B4GALNT3: variants seen among roughly 807,000 people sequenced by gnomAD.
The protein encoded by B4GALNT3 is beta-1,4-N-acetylgalactosaminyltransferase 3.
Under a neutral mutation model 120.2 loss-of-function variants are expected in B4GALNT3, and 86 were observed. The observed-to-expected ratio is 0.72, with a 90% CI of 0.60 to 0.86. The LOEUF is 0.86. B4GALNT3 is among the 40% of genes least tolerant of loss of function. The pLI, the probability that B4GALNT3 is intolerant of heterozygous loss-of-function variation, is 0.00. For missense variants in B4GALNT3, 1,167 were observed against 1,298.9 expected (o/e 0.90, Z 1.56); for synonymous variants, 518 against 510.4 (o/e 1.01, Z -0.20).
At chr12:512,606 A>ACCTTCCG (rs1946598910) in intron 1 of B4GALNT3, among the ~76,000 whole-genome samples, 1 of 90,680 alleles carries the variant, frequency 1.1e-5, no homozygotes, top group African/African-American at 4.7e-5. Flanking sequence ...TCCACCTTCC[A>ACCTTCCG]CCTTCCACCT....
chr12:539,547 A>G (rs892942141), intron 3 of B4GALNT3, among the ~76,000 whole-genome samples: 2 of 151,972 alleles, frequency 1.3e-5, no homozygotes, highest in Non-Finnish European at 2.9e-5. Flanking sequence ...AAAAAAAAAA[A>G]AAAAGAAAGA....
intron 2 of B4GALNT3, among the ~76,000 whole-genome samples, chr12:535,592 G>C (rs1432064225): frequency 6.6e-6 from 1 of 152,166 alleles, no homozygotes; most frequent in East Asian, 1.9e-4. Flanking sequence ...GTGGCATGTG[G>C]TGCCTCTCAC....
intron 1 of B4GALNT3, among the ~76,000 whole-genome samples, chr12:469,052 A>G (rs1946110438): frequency 6.6e-6 from 1 of 152,272 alleles, no homozygotes; most frequent in African/African-American, 2.4e-5. Flanking sequence ...GAGTGGCTGC[A>G]GAAGTGATTC....
chr12:552,013 T>C, intron 11 of B4GALNT3, 50 bp from the exon 12 acceptor site: 1 of 1,419,372 alleles, frequency 7.0e-7, no homozygotes, highest in Non-Finnish European at 1.0e-6. Context: ...GGCTGATTTC[T>C]TACCAAGATC....
rs147550865 is a variant in B4GALNT3 at position 484,870 on chromosome 12, T to C, written c.169+24325T>C. Among the ~76,000 whole-genome samples the C allele has an allele frequency of 4.3e-4, 66 of 152,230 alleles. 1 individual carries two copies. In the East Asian group the frequency reaches 0.011, roughly 26 times the overall value. ...TCCTCCCAGTAATGGTCCCAGACCTTTCCAGTGGTATGTATGGTGTGAATT... is the reference window on the plus strand; with the variant it reads ...TCCTCCCAGTAATGGTCCCAGACCTCTCCAGTGGTATGTATGGTGTGAATT... On this transcript the variant is annotated intron_variant, in intron 1 of 19. Transcript: ENST00000266383.
intron 3 of B4GALNT3, 150 bp downstream of exon 3, chr12:536,445 C>T: frequency 1.8e-6 from 1 of 552,716 alleles, no homozygotes; most frequent in Non-Finnish European, 3.1e-6. Flanking sequence ...ATGGATAATT[C>T]CAGAGATCAC....
At chr12:477,828 C>T (rs993021178) in intron 1 of B4GALNT3, among the ~76,000 whole-genome samples, 1 of 152,180 alleles carries the variant, frequency 6.6e-6, no homozygotes, top group African/African-American at 2.4e-5. Flanking sequence ...CAGATATTTT[C>T]ATAATCCTAG....
intron 1 of B4GALNT3, among the ~76,000 whole-genome samples, chr12:500,865 C>CTGTTTTTTTTT (rs1946433127): frequency 1.6e-5 from 1 of 61,830 alleles, no homozygotes; most frequent in Non-Finnish European, 2.7e-5. Context: ...GGCTCCACTG[C>CTGTTTTTTTTT]TTTTTTTTTT....
intron 1 of B4GALNT3, among the ~76,000 whole-genome samples, chr12:475,510 G>A (rs1450120755): frequency 1.3e-5 from 2 of 152,112 alleles, no homozygotes; most frequent in African/African-American, 4.8e-5. Flanking sequence ...CGGCAGAACC[G>A]GAGGTGGGGT....
intron 1 of B4GALNT3, among the ~76,000 whole-genome samples, chr12:470,838 A>C (rs543043605): frequency 1.3e-5 from 2 of 152,208 alleles, no homozygotes; most frequent in African/African-American, 4.8e-5. Context: ...CCCCAGGTTC[A>C]AGACATTCTC....
intron 14 of B4GALNT3, among the ~76,000 whole-genome samples, chr12:555,936 A>G (rs1947149436): frequency 1.3e-5 from 2 of 151,266 alleles, no homozygotes; most frequent in South Asian, 2.1e-4. Context: ...GGTGCCCACC[A>G]CCACACCTGG....
In B4GALNT3 at chr12:482,093, C is replaced by T. The variant is rs542924664; in HGVS notation, c.169+21548C>T. Among the ~76,000 whole-genome samples, 16 of 152,292 alleles carry T rather than the reference C, an allele frequency of 1.1e-4. No homozygotes were observed. In the South Asian group the frequency reaches 3.3e-3, roughly 32 times the overall value. On this transcript the variant is annotated intron_variant, in intron 1 of 19. Transcript: ENST00000266383. The stretch of plus-strand genomic sequence containing the variant: ...AATTGAGTGCTTCTCAACCTCCTTC[C>T]TGTTAGTACACAGAGAAAATGACAG...
At chr12:535,840 A>G (rs1412940643) in intron 2 of B4GALNT3, among the ~76,000 whole-genome samples, 1 of 152,184 alleles carries the variant, frequency 6.6e-6, no homozygotes. Flanking sequence ...ACCAGAGCCA[A>G]ACTGAACCTG....
At chr12:524,011 A>G (rs1337301265) in intron 1 of B4GALNT3, among the ~76,000 whole-genome samples, 1 of 152,182 alleles carries the variant, frequency 6.6e-6, no homozygotes, top group East Asian at 1.9e-4. Flanking sequence ...CAGTGAGCCA[A>G]GATCATGCCA....
chr12:548,396 A>C lies in B4GALNT3; in HGVS notation c.853+99A>C. 8.8e-7 allele frequency: 1 copy of C among 1,141,860 alleles called. No individual in the cohort carries two copies. The highest frequency in any genetic ancestry group is 1.3e-5 in the South Asian group (1 of 78,212). 70.7% of individuals were successfully genotyped at this position (1,141,860 alleles called of 1,614,324 possible). On this transcript the variant is annotated intron_variant, in intron 9 of 19. Transcript: ENST00000266383. The surrounding 1 kb of genome is among the most constrained non-coding windows in gnomAD (Gnocchi z 4.9). ...GAGGAGGGGAGGAGGGGAGGAAGGA[A>C]GCTCGAGATGCTTGGGACACGGGTA...
chr12:558,687 G>C (rs772684494), intron 18 of B4GALNT3, 26 bp downstream of exon 18: 1 of 1,610,300 alleles, frequency 6.2e-7, no homozygotes, highest in Non-Finnish European at 8.5e-7. Context: ...ACTGGGGAGG[G>C]AGGAAAGACT....
intron 1 of B4GALNT3, among the ~76,000 whole-genome samples, chr12:506,645 T>C (rs950204636): frequency 2.1e-4 from 32 of 152,120 alleles, no homozygotes; most frequent in African/African-American, 7.2e-4. Context: ...TTATTTTATT[T>C]ATTTTTTTTG....
intron 14 of B4GALNT3, chr12:555,437 C>T (rs1446758140): frequency 2.2e-6 from 1 of 453,114 alleles, no homozygotes; most frequent in Non-Finnish European, 4.4e-6. Flanking sequence ...CTCGATATTG[C>T]TGAGTAATAT....
At position 535,391 on chromosome 12, in the gene B4GALNT3, C is replaced by G; in HGVS notation, c.273+122C>G. The G allele has an allele frequency of 4.0e-6, 3 of 751,120 alleles. No homozygotes were observed. In the Admixed American group the frequency reaches 7.0e-5, roughly 18 times the overall value. 46.5% of individuals were successfully genotyped at this position (751,120 alleles called of 1,614,324 possible). ...GGAGGAGAGGCAGAGGATAAACAGC[C>G]CCCAGAGTCCTAGTCTGGCCTCAGG... is the stretch of plus-strand genomic sequence containing the variant. On this transcript the variant is annotated intron_variant, in intron 2 of 19. Coordinates refer to ENST00000266383, the MANE Select transcript of B4GALNT3 (RefSeq NM_173593.4).
Sources: gnomAD v4.1 joint callset for allele counts (sites outside exome capture counted in the v4.1 genomes callset) on GRCh38, gnomAD v4.1.1 for gene constraint, Gnocchi (gnomAD v3.1) non-coding constraint, MANE v1.5 for transcripts, NCBI Gene and HGNC (gene_info 2026-07-23, HGNC 2026-07-21) for gene names.